SETX: variants seen among roughly 807,000 people sequenced by gnomAD.
SETX encodes the protein helicase senataxin.
SETX carries 90 observed loss-of-function variants against 227.2 expected under a neutral mutation model. The ratio of observed to expected loss-of-function variants is 0.40; its 90% CI spans 0.33 to 0.47. The LOEUF (loss-of-function observed/expected upper bound fraction) is 0.47, where lower values mean the gene tolerates loss of function less well. Ranked by LOEUF, SETX falls within the 20% of genes least tolerant of loss-of-function variation. The pLI is 0.91. For missense variants in SETX, 3,052 were observed against 3,181.5 expected (o/e 0.96, Z 0.98); for synonymous variants, 1,210 against 1,113.2 (o/e 1.09, Z -1.73).
At chr9:132,295,668 C>T (rs1844625252) in intron 15 of SETX, among the ~76,000 whole-genome samples, 1 of 152,232 alleles carries the variant, frequency 6.6e-6, no homozygotes, top group Admixed American at 6.5e-5. Flanking sequence ...TCCTTGAAGA[C>T]TTCACTGATG....
intron 18 of SETX, among the ~76,000 whole-genome samples, chr9:132,285,045 A>G (rs763246010): frequency 1.3e-5 from 2 of 151,836 alleles, no homozygotes; most frequent in South Asian, 2.1e-4. Context: ...CGCCCAGCTA[A>G]TTTTTTGTAT....
chr9:132,308,138 T>G (rs1014300750), intron 11 of SETX, among the ~76,000 whole-genome samples: 1 of 152,186 alleles, frequency 6.6e-6, no homozygotes, highest in African/African-American at 2.4e-5. Flanking sequence ...GTATCACCAT[T>G]TTGCTCCCTT....
At chr9:132,356,026 G>GC (rs144358862), upstream of SETX, among the ~76,000 whole-genome samples, 3,219 of 150,938 alleles carry the variant, frequency 0.021, 60 homozygotes, top group Non-Finnish European at 0.033. Context: ...GCACCTGTGG[G>GC]CCCAGCTTGT....
chr9:132,295,330 G>A (rs1844605834), intron 15 of SETX, among the ~76,000 whole-genome samples: 2 of 152,186 alleles, frequency 1.3e-5, no homozygotes, highest in African/African-American at 4.8e-5. Context: ...TCAACACTCA[G>A]TGACTGTAAA....
chr9:132,299,572 T>G (rs1341147128), intron 12 of SETX, among the ~76,000 whole-genome samples: 1 of 152,124 alleles, frequency 6.6e-6, no homozygotes, highest in Non-Finnish European at 1.5e-5. Context: ...TAATATATCA[T>G]GCAAAAAGGA....
At chr9:132,267,051 T>C (rs971691224) in intron 25 of SETX, among the ~76,000 whole-genome samples, 1 of 152,252 alleles carries the variant, frequency 6.6e-6, no homozygotes, top group Non-Finnish European at 1.5e-5. Flanking sequence ...TAAGAGTCCT[T>C]TCAATAAATA....
rs572717184 is a variant in SETX, at chr9:132,352,905, C to T, written c.-8+744G>A. Among the ~76,000 whole-genome samples, 23 of 152,296 alleles carry T rather than the reference C, an allele frequency of 1.5e-4. No homozygotes were observed. In the East Asian group the frequency reaches 4.4e-3, roughly 29 times the overall value. ...CTAGGAATTATCCTATACGCTCCTT[C>T]TCCCTCAGCCGCAATCTCTGAGCTC... On this transcript the variant is annotated intron_variant, in intron 2 of 25. Coordinates refer to ENST00000224140, the MANE Select transcript of SETX (RefSeq NM_015046.7).
chr9:132,271,838 GA>G, intron 23 of SETX, 30 bp from the exon 24 acceptor site: 2 of 1,559,038 alleles, frequency 1.3e-6, no homozygotes, highest in Non-Finnish European at 8.8e-7. Flanking sequence ...ATATTTACTG[GA>G]AAAAGGAAGA....
At chr9:132,280,547 G>A (rs11243706) in intron 20 of SETX, among the ~76,000 whole-genome samples, 2,291 of 152,204 alleles carry the variant, frequency 0.015, 62 homozygotes, top group African/African-American at 0.052. Flanking sequence ...ATGTACCTGC[G>A]CTCAAATGTC....
intron 12 of SETX, among the ~76,000 whole-genome samples, chr9:132,299,860 C>T (rs1021201080): frequency 3.3e-5 from 5 of 151,950 alleles, no homozygotes; most frequent in Non-Finnish European, 5.9e-5. Flanking sequence ...GGACAAGTCT[C>T]GGCTGGGCGC....
At position 132,278,172 on chromosome 9, in the gene SETX, C is replaced by A; in HGVS notation, c.6740G>T (p.Ser2247Ile). ...LEENVEHNMI[S>I]RLPILQLTVQ... ...AGTGAGCTGTAGAATGGGCAGCCTG[C>A]TGATCATGTTGTGTTCTACATTCTC... The change falls in exon 21 of 26, where the codon AGC becomes ATC. Residue 2247 changes from serine (S) to isoleucine (I), a missense_variant. By Grantham distance (142) the Ser-to-Ile change is moderately radical. Transcript: ENST00000224140. 2 of 1,614,176 alleles carry A rather than the reference C, an allele frequency of 1.2e-6. No individual in the cohort carries two copies. Among genetic ancestry groups the A allele is most frequent in the Non-Finnish European group, 1.7e-6 (2 of 1,180,024 alleles).
intron 11 of SETX, among the ~76,000 whole-genome samples, chr9:132,309,504 C>T (rs188948357): frequency 1.3e-5 from 2 of 152,138 alleles, no homozygotes; most frequent in Admixed American, 6.5e-5. Flanking sequence ...TGGGGCCACA[C>T]ATAATGCCTG....
At chr9:132,322,428 C>A (rs1301349053) in intron 10 of SETX, among the ~76,000 whole-genome samples, 1 of 152,146 alleles carries the variant, frequency 6.6e-6, no homozygotes, top group East Asian at 1.9e-4. Flanking sequence ...ATCTTTCTGT[C>A]TCTACAGATT....
At chr9:132,354,110 G>A (rs781431104) in intron 1 of SETX, among the ~76,000 whole-genome samples, 2 of 152,130 alleles carry the variant, frequency 1.3e-5, no homozygotes, top group Non-Finnish European at 1.5e-5. Flanking sequence ...AGTCACCCCC[G>A]TTTCACTTGG....
At chr9:132,302,681 C>G (rs201504796) in intron 11 of SETX, among the ~76,000 whole-genome samples, 22 of 78,502 alleles carry the variant, frequency 2.8e-4, no homozygotes, top group African/African-American at 5.9e-4. Flanking sequence ...AAAAAAAAAG[C>G]AAAAAAAAAA....
intron 10 of SETX, among the ~76,000 whole-genome samples, chr9:132,324,450 C>T (rs1333779394): frequency 6.6e-6 from 1 of 152,198 alleles, no homozygotes; most frequent in South Asian, 2.1e-4. Context: ...GTACATTACA[C>T]TTCCTTCCCC....
chr9:132,354,393 G>A (rs942477979), intron 1 of SETX, among the ~76,000 whole-genome samples: 5 of 151,802 alleles, frequency 3.3e-5, no homozygotes, highest in African/African-American at 1.2e-4. Flanking sequence ...TTACTCGGGG[G>A]GATGAGGCGG....
chr9:132,288,741 T>A, intron 15 of SETX, 90 bp from the exon 16 acceptor site: 1 of 888,494 alleles, frequency 1.1e-6, no homozygotes, highest in Non-Finnish European at 1.8e-6. Context: ...TAAGTAAATA[T>A]GTTAATAATC....
At chr9:132,308,417 A>ATTCAAT (rs60172832) in intron 11 of SETX, among the ~76,000 whole-genome samples, 67,598 of 151,438 alleles carry the variant, frequency 0.45, 18,444 homozygotes, top group African/African-American at 0.77. Flanking sequence ...TATAAAACTA[A>ATTCAAT]TTTTTCAACA....
Sources: gnomAD v4.1 joint callset for allele counts (sites outside exome capture counted in the v4.1 genomes callset) on GRCh38, gnomAD v4.1.1 for gene constraint, MANE v1.5 for transcripts, NCBI Gene and HGNC (gene_info 2026-07-23, HGNC 2026-07-21) for gene names.